PLCE1: variants seen among roughly 807,000 people sequenced by gnomAD.
PLCE1 encodes the protein 1-phosphatidylinositol 4,5-bisphosphate phosphodiesterase epsilon-1.
Under a neutral mutation model 242.8 loss-of-function variants are expected in PLCE1, and 119 were observed. The observed-to-expected ratio is 0.49, with a 90% confidence interval of 0.42 to 0.57. The LOEUF (loss-of-function observed/expected upper bound fraction) is 0.57, where lower values mean the gene tolerates loss of function less well. Ranked by LOEUF, PLCE1 falls within the 20% of genes least tolerant of loss-of-function variation. The pLI, the probability that PLCE1 is intolerant of heterozygous loss-of-function variation, is 0.00. For missense variants in PLCE1, 2,441 were observed against 2,788.8 expected (o/e 0.88, Z 2.81); for synonymous variants, 945 against 1,017.4 (o/e 0.93, Z 1.35).
chr10:94,070,874 C>T (rs2044331987), intron 2 of PLCE1, among the ~76,000 whole-genome samples: 1 of 152,160 alleles, frequency 6.6e-6, no homozygotes, highest in South Asian at 2.1e-4. Context: ...TCCTCCCCAT[C>T]TTAGGACCCT....
At chr10:94,315,586 T>C (rs2053539083) in intron 28 of PLCE1, 1 of 443,868 alleles carries the variant, frequency 2.3e-6, no homozygotes, top group Admixed American at 2.4e-5. Context: ...CTGGCCAACA[T>C]GGTGAAACCC....
At chr10:94,318,169 G>T (rs1258095267) in intron 29 of PLCE1, among the ~76,000 whole-genome samples, 1 of 152,170 alleles carries the variant, frequency 6.6e-6, no homozygotes, top group Admixed American at 6.5e-5. Context: ...GCAAAAAAAT[G>T]TAATTGTCTC....
In PLCE1 at chr10:94,262,717, C is replaced by A; in HGVS notation, c.4038C>A (p.Ile1346=). Reference sequence around the variant, plus strand: ...GAGAACACTGCACTTATGATGAAATCCTCAGCATCATCCAGGTTTGTGCCT... The same window carrying A: ...GAGAACACTGCACTTATGATGAAATACTCAGCATCATCCAGGTTTGTGCCT... ...CQGEHCTYDE[I]LSIIQKFEPS... The change falls in exon 14 of 33, where the codon ATC becomes ATA. Residue 1346 remains isoleucine, a synonymous_variant. Transcript: ENST00000371380. 1 of 1,610,964 alleles carries A rather than the reference C, an allele frequency of 6.2e-7. No individual in the cohort carries two copies. Among genetic ancestry groups the A allele is most frequent in the South Asian group, 1.1e-5 (1 of 91,010 alleles).
intron 2 of PLCE1, among the ~76,000 whole-genome samples, chr10:94,102,391 C>G (rs2045571566): frequency 6.6e-6 from 1 of 152,178 alleles, no homozygotes; most frequent in South Asian, 2.1e-4. Context: ...ATGCTGTGCT[C>G]ATGGTAATGT....
chr10:94,099,536 G>A (rs2045441080), intron 2 of PLCE1: 1 of 152,204 alleles, frequency 6.6e-6, no homozygotes, highest in South Asian at 2.1e-4. Context: ...GAACACATAT[G>A]TCAAGGTTCA....
intron 2 of PLCE1, among the ~76,000 whole-genome samples, chr10:94,053,172 T>C (rs1055090232): frequency 3.3e-5 from 5 of 152,210 alleles, no homozygotes; most frequent in African/African-American, 1.2e-4. Context: ...TAACTAGCAG[T>C]GGAGCCTTCA....
chr10:94,304,152 GATTTTTCA>G (rs2053128099), intron 24 of PLCE1, among the ~76,000 whole-genome samples: 2 of 152,152 alleles, frequency 1.3e-5, no homozygotes, highest in Non-Finnish European at 2.9e-5. Context: ...TATTTCACAA[GATTTTTCA>G]GACAGATGTA....
At chr10:94,226,685 CT>C in intron 4 of PLCE1, among the ~76,000 whole-genome samples, 1 of 152,110 alleles carries the variant, frequency 6.6e-6, no homozygotes, top group Non-Finnish European at 1.5e-5. Context: ...AGTCAAATAT[CT>C]TTCAATCAAA....
intron 20 of PLCE1, chr10:94,280,662 C>T (rs574751878): frequency 2.0e-5 from 3 of 152,304 alleles, no homozygotes; most frequent in African/African-American, 7.2e-5. Context: ...TAAGAAAATG[C>T]CAAGGTTCCT....
chr10:94,308,571 A>T lies in PLCE1; in HGVS notation c.5885-10A>T, dbSNP rs771690713. ...GTTAACAAGCTTTTCCCAATTCTGT[A>T]TTACTCCAGGATATCGACATCTTCA... On this transcript the variant is annotated splice_polypyrimidine_tract_variant and intron_variant, in intron 26 of 32. Coordinates refer to ENST00000371380, the MANE Select transcript of PLCE1 (RefSeq NM_016341.4). The T allele has an allele frequency of 6.4e-7, 1 of 1,557,980 alleles. No homozygotes were observed. Among genetic ancestry groups the T allele is most frequent in the South Asian group, 1.1e-5 (1 of 89,960 alleles).
At chr10:94,294,897 C>T (rs1283363700) in intron 23 of PLCE1, among the ~76,000 whole-genome samples, 1 of 148,178 alleles carries the variant, frequency 6.7e-6, no homozygotes, top group Non-Finnish European at 1.5e-5. Context: ...TAGCATTTTA[C>T]TCATGATAGA....
At chr10:94,242,564 G>A (rs561266711) in intron 7 of PLCE1, among the ~76,000 whole-genome samples, 34 of 152,268 alleles carry the variant, frequency 2.2e-4, no homozygotes, top group Admixed American at 1.3e-4. Flanking sequence ...ACCTGTCTTG[G>A]TCTCCCATAG....
intron 2 of PLCE1, chr10:94,100,454 G>A (rs1590020095): frequency 6.6e-6 from 1 of 152,194 alleles, no homozygotes; most frequent in Non-Finnish European, 1.5e-5. Flanking sequence ...AGAGAGGTTG[G>A]ATGTGCTCAT....
intron 19 of PLCE1, 91 bp downstream of exon 19, chr10:94,273,811 G>T: frequency 8.3e-7 from 1 of 1,200,848 alleles, no homozygotes; most frequent in Non-Finnish European, 1.2e-6. Flanking sequence ...TGACCTGCTG[G>T]TTTACTAGTT....
chr10:94,169,617 G>A (rs1313197366), intron 3 of PLCE1, among the ~76,000 whole-genome samples: 2 of 152,214 alleles, frequency 1.3e-5, no homozygotes, highest in Admixed American at 6.5e-5. Context: ...GAAAGCAAAC[G>A]CAGGTTTGGG....
chr10:94,297,590 T>TAAAAAAAAAAAAAAAAAA (rs71031568), intron 23 of PLCE1, among the ~76,000 whole-genome samples: 11 of 56,578 alleles, frequency 1.9e-4, no homozygotes, highest in East Asian at 1.1e-3. Flanking sequence ...TTTAAATTTG[T>TAAAAAAAAAAAAAAAAAA]AAAAAAAAAA....
intron 2 of PLCE1, among the ~76,000 whole-genome samples, chr10:94,058,296 G>A (rs1046087277): frequency 1.3e-5 from 2 of 152,106 alleles, no homozygotes; most frequent in East Asian, 3.8e-4. Flanking sequence ...TTCTCTCATC[G>A]CCTTTCAGGA....
chr10:94,016,129 C>T (rs1159303907), intron 1 of PLCE1, among the ~76,000 whole-genome samples: 1 of 151,986 alleles, frequency 6.6e-6, no homozygotes, highest in Non-Finnish European at 1.5e-5. Flanking sequence ...TCCATGATCG[C>T]CTCCTTTTAA....
intron 2 of PLCE1, among the ~76,000 whole-genome samples, chr10:94,073,636 G>A (rs761399243): frequency 1.8e-4 from 27 of 152,120 alleles, no homozygotes; most frequent in Non-Finnish European, 3.1e-4. Context: ...GTCAGGAATG[G>A]CAATACTGGG....
Sources: gnomAD v4.1 joint callset for allele counts (sites outside exome capture counted in the v4.1 genomes callset) on GRCh38, gnomAD v4.1.1 for gene constraint, MANE v1.5 for transcripts, NCBI Gene and HGNC (gene_info 2026-07-23, HGNC 2026-07-21) for gene names.